The following ATAD3B variants were observed in gnomAD, a reference collection of about 807,000 sequenced individuals.
ATAD3B encodes the protein ATPase family AAA domain-containing protein 3B.
ATAD3B carries 59 observed loss-of-function variants against 70.2 expected under a neutral mutation model. The observed-to-expected ratio is 0.84, with a 90% CI of 0.68 to 1.04. The LOEUF (loss-of-function observed/expected upper bound fraction) is 1.04, where lower values mean the gene tolerates loss of function less well. Among genes scored for constraint, ATAD3B ranks in the 50% least tolerant of loss-of-function variants. ATAD3B has a pLI of 0.00. For missense variants in ATAD3B, 961 were observed against 913.4 expected (o/e 1.05, Z -0.67); for synonymous variants, 423 against 388.6 (o/e 1.09, Z -1.04).
chr1:1,495,524 G>A lies in ATAD3B; in HGVS notation c.1654G>A (p.Ala552Thr), dbSNP rs776638878. The stretch of plus-strand genomic sequence containing the variant: ...CTCCAAGGACGGGGTCCTCACTGAG[G>A]CCATGATGGACGCCTGTGTGCAAGA... ...YASKDGVLTEAMMDACVQDAV... is the reference protein window; with the variant it reads ...YASKDGVLTETMMDACVQDAV... Residue 552 changes from alanine (A) to threonine (T), a missense_variant, in exon 16 of 16, where the codon GCC becomes ACC. This residue lies in a region of ATAD3B where 417 missense variants were observed against 335.0 expected (regional missense o/e 1.24). Coordinates refer to ENST00000673477, the MANE Select transcript of ATAD3B (RefSeq NM_031921.6). The A allele has an allele frequency of 4.3e-6, 7 of 1,612,260 alleles. No homozygotes were observed. In the East Asian group the frequency reaches 6.7e-5, roughly 15 times the overall value.
chr1:1,499,312 C>T (rs1640891209), downstream of ATAD3B, among the ~76,000 whole-genome samples: 1 of 127,270 alleles, frequency 7.9e-6, no homozygotes, highest in Non-Finnish European at 1.6e-5. Context: ...TCTCGGCTTA[C>T]TGTAACTTCT....
chr1:1,487,870 C>T lies in ATAD3B; in HGVS notation c.1222C>T (p.Leu408Phe), dbSNP rs1311078012. The change falls in exon 12 of 16, where the codon CTC becomes TTC. Residue 408 changes from leucine to phenylalanine, a missense_variant. Coordinates refer to ENST00000673477, the MANE Select transcript of ATAD3B (RefSeq NM_031921.6). ...CCTCTCTCTCGTTCACAGCCTCCTG[C>T]TCTTCATGGATGAAGCAGACGCCTT... ...WANTSRRGLL[L>F]FMDEADAFLR... The T allele has an allele frequency of 6.2e-7, 1 of 1,613,042 alleles. No homozygotes were observed. The highest frequency in any genetic ancestry group is 8.5e-7 in the Non-Finnish European group (1 of 1,179,472).
In ATAD3B at chr1:1,486,166, G is replaced by T. The variant is rs778239470; in HGVS notation, c.1020G>T (p.Lys340Asn). ...DIAIATRNTK[K>N]NRGLYRHILL... is the part of the protein sequence containing the mutation. The stretch of plus-strand genomic sequence containing the variant: ...CCATAGCAACCAGGAACACCAAGAA[G>T]AACCGGGGCCTGTACAGGCACATCC... The change falls in exon 10 of 16, where the codon AAG becomes AAT. Residue 340 changes from lysine to asparagine, a missense_variant. Lys to Asn is a moderately conservative substitution (Grantham distance 94, BLOSUM62 0). This residue lies in a region of ATAD3B where 349 missense variants were observed against 307.5 expected (regional missense o/e 1.14). Coordinates refer to ENST00000673477, the MANE Select transcript of ATAD3B (RefSeq NM_031921.6). The T allele has an allele frequency of 2.5e-6, 4 of 1,613,330 alleles. No individual in the cohort carries two copies. Among genetic ancestry groups the T allele is most frequent in the Admixed American group, 1.7e-5 (1 of 59,990 alleles).
chr1:1,488,060 C>CAT, intron 12 of ATAD3B, 146 bp downstream of exon 12: 3 of 1,166,280 alleles, frequency 2.6e-6, no homozygotes, highest in Non-Finnish European at 2.5e-6. Flanking sequence ...GTTCAAGCTG[C>CAT]TCTCCTGCCT....
At chr1:1,475,216 G>A (rs1487586372) in intron 1 of ATAD3B, among the ~76,000 whole-genome samples, 10 of 149,484 alleles carry the variant, frequency 6.7e-5, no homozygotes, top group East Asian at 3.9e-4. Flanking sequence ...CAGGTGCACC[G>A]TGGGGAGCCC....
intron 8 of ATAD3B, 66 bp from the exon 9 acceptor site, chr1:1,485,716 T>TGTGC: frequency 6.2e-7 from 1 of 1,603,040 alleles, no homozygotes; most frequent in South Asian, 1.1e-5. Flanking sequence ...AGCATGTGTG[T>TGTGC]GCGTTGGTGG....
chr1:1,501,027 C>T (rs1257314737), downstream of ATAD3B, among the ~76,000 whole-genome samples: 3 of 152,152 alleles, frequency 2.0e-5, no homozygotes, highest in Non-Finnish European at 4.4e-5. Flanking sequence ...TACTTGAAGG[C>T]TTGGCTGAGT....
chr1:1,487,727 A>T (rs557880639), intron 11 of ATAD3B, 136 bp from the exon 12 acceptor site: 3 of 1,116,072 alleles, frequency 2.7e-6, no homozygotes, highest in Non-Finnish European at 4.0e-6. Context: ...CGAGTCCAGG[A>T]CTTAGGGCTC....
At chr1:1,473,091 G>A (rs940852902) in intron 1 of ATAD3B, among the ~76,000 whole-genome samples, 2 of 149,634 alleles carry the variant, frequency 1.3e-5, no homozygotes, top group Non-Finnish European at 3.0e-5. Context: ...CTGAAGTGTT[G>A]GGATTACAGG....
At chr1:1,482,370 G>A in intron 6 of ATAD3B, 67 bp downstream of exon 6, 1 of 1,565,990 alleles carries the variant, frequency 6.4e-7, no homozygotes, top group Non-Finnish European at 8.6e-7. Flanking sequence ...CTGGTCCCAG[G>A]GCGCTCTCCA....
chr1:1,476,648 A>C (rs1227972013), intron 1 of ATAD3B, among the ~76,000 whole-genome samples: 1 of 151,334 alleles, frequency 6.6e-6, no homozygotes, highest in Non-Finnish European at 1.5e-5. Flanking sequence ...AGCTAGGACT[A>C]CAAGTGCCCG....
chr1:1,500,675 A>C (rs142108975), downstream of ATAD3B, among the ~76,000 whole-genome samples: 2,449 of 151,130 alleles, frequency 0.016, 87 homozygotes, highest in African/African-American at 0.056. Context: ...CACTTCAGGC[A>C]GGGCGCAGTG....
the ATAD3B span, chr1:1,509,399 C>G: frequency 1.2e-6 from 2 of 1,600,448 alleles, no homozygotes; most frequent in South Asian, 1.1e-5. Flanking sequence ...GGACCCCTCC[C>G]ACCCCTGCCT....
rs562772300 is a variant in ATAD3B, at chr1:1,495,619, C to T, written c.1749C>T (p.His583=). ...KAEGPGRGVE[H]PLSGVQGETL... ...AGGGGCCTGGGCGCGGGGTCGAGCA[C>T]CCCCTATCCGGAGTCCAAGGCGAGA... Residue 583 remains histidine, a synonymous_variant, in exon 16 of 16, where the codon CAC becomes CAT. Transcript: ENST00000673477. The T allele has an allele frequency of 6.2e-7, 1 of 1,613,028 alleles. No homozygotes were observed. Among genetic ancestry groups the T allele is most frequent in the Admixed American group, 1.7e-5 (1 of 59,954 alleles).
downstream of ATAD3B, among the ~76,000 whole-genome samples, chr1:1,499,418 G>A (rs970975298): frequency 3.3e-4 from 49 of 148,120 alleles, no homozygotes; most frequent in African/African-American, 1.2e-3. Flanking sequence ...TGTATTTTTA[G>A]TAGAGAGGGG....
At chr1:1,502,506 CATTTTTTTT>C (rs1353953690), downstream of ATAD3B, among the ~76,000 whole-genome samples, 1 of 113,732 alleles carries the variant, frequency 8.8e-6, no homozygotes, top group African/African-American at 4.5e-5. Flanking sequence ...CCGTGCCCAG[CATTTTTTTT>C]TTTTTTTTTT....
At chr1:1,504,606 C>T in the ATAD3B span, among the ~76,000 whole-genome samples, 2 of 151,586 alleles carry the variant, frequency 1.3e-5, no homozygotes, top group South Asian at 4.2e-4. Flanking sequence ...GCCGAGACCA[C>T]GTCATTGCAC....
At chr1:1,503,049 C>A in the ATAD3B span, among the ~76,000 whole-genome samples, 3 of 150,812 alleles carry the variant, frequency 2.0e-5, no homozygotes, top group South Asian at 6.3e-4. Flanking sequence ...AGGGTGAAAC[C>A]CTGTCTCTAC....
rs544884479 is a variant in ATAD3B at position 1,482,220 on chromosome 1, C to G, written c.597C>G (p.Ala199=). 190 of 1,611,280 alleles carry G rather than the reference C, an allele frequency of 1.2e-4. 5 individuals carry two copies. In the South Asian group the frequency reaches 2.0e-3, roughly 17 times the overall value. ...CCGAGGCCCGGGCGCGCGCCAAGGCCGAGCGGGAGAATGCAGACATCATCC... is the reference window on the plus strand; with the variant it reads ...CCGAGGCCCGGGCGCGCGCCAAGGCGGAGCGGGAGAATGCAGACATCATCC... ...VETEARARAK[A]ERENADIIRE... Residue 199 remains alanine, a synonymous_variant, in exon 6 of 16, where the codon GCC becomes GCG. Coordinates refer to ENST00000673477, the MANE Select transcript of ATAD3B (RefSeq NM_031921.6).
Sources: gnomAD v4.1 joint callset for allele counts (sites outside exome capture counted in the v4.1 genomes callset) on GRCh38, gnomAD v4.1.1 for gene constraint, gnomAD v4.1.1 regional missense constraint, MANE v1.5 for transcripts, NCBI Gene and HGNC (gene_info 2026-07-23, HGNC 2026-07-21) for gene names.